Variants in FAM117A observed in about 807,000 individuals in gnomAD.
The protein encoded by FAM117A is protein FAM117A.
In FAM117A, 21 loss-of-function variants were observed where a neutral mutation model predicts 44.1. The ratio of observed to expected loss-of-function variants is 0.48; its 90% CI spans 0.34 to 0.69. The LOEUF is 0.69. FAM117A is among the 30% of genes least tolerant of loss of function. FAM117A has a pLI of 0.01. For missense variants in FAM117A, 498 were observed against 589.9 expected, an observed-to-expected ratio of 0.84 and a Z score of 1.61; for synonymous variants, 220 against 238.3, an observed-to-expected ratio of 0.92 and a Z score of 0.71.
intron 1 of FAM117A, among the ~76,000 whole-genome samples, chr17:49,761,342 C>G (rs756724316): frequency 9.9e-5 from 15 of 152,200 alleles, no homozygotes; most frequent in Non-Finnish European, 1.3e-4. Flanking sequence ...TCTGGGTTTG[C>G]TCTTTGAAGC....
At chr17:49,741,617 G>C (rs937431180) in intron 1 of FAM117A, among the ~76,000 whole-genome samples, 2 of 152,114 alleles carry the variant, frequency 1.3e-5, no homozygotes, top group Non-Finnish European at 2.9e-5. Context: ...GTCCTGTCCT[G>C]TCCTAGTTGT....
intron 7 of FAM117A, 85 bp downstream of exon 7, chr17:49,716,080 G>A: frequency 6.8e-7 from 1 of 1,479,388 alleles, no homozygotes; most frequent in East Asian, 2.3e-5. Context: ...ACACCTCTAT[G>A]ACAAGAGAGA....
rs540595238 is a variant in FAM117A at position 49,772,416 on chromosome 17, G to C, written c.-621+16081C>G. 2.6e-5 allele frequency among the ~76,000 whole-genome samples: 4 copies of C among 151,776 alleles called. No homozygotes were observed. The South Asian group carries it at 8.3e-4, about 32-fold the overall frequency. On this transcript the variant is annotated intron_variant, in intron 1 of 7. Transcript: ENST00000513602. Reference sequence around the variant, plus strand: ...AGGTCAGGAGTTCAAGACCAGCCTGGCCAACATAGTGAAACCCTGTCTCTA... The same window carrying C: ...AGGTCAGGAGTTCAAGACCAGCCTGCCCAACATAGTGAAACCCTGTCTCTA...
intron 2 of FAM117A, among the ~76,000 whole-genome samples, chr17:49,728,954 G>A (rs573850891): frequency 2.0e-5 from 3 of 152,276 alleles, no homozygotes; most frequent in Admixed American, 1.3e-4. Context: ...AAATATTTGG[G>A]TAACCCAGTT....
intron 1 of FAM117A, among the ~76,000 whole-genome samples, chr17:49,755,091 T>C (rs1402834907): frequency 6.7e-6 from 1 of 149,708 alleles, no homozygotes; most frequent in Non-Finnish European, 1.5e-5. Flanking sequence ...AGACACATGG[T>C]TGGCAGCCTT....
rs1385926538 is a variant in FAM117A at position 49,746,664 on chromosome 17, T to A, written c.197-13944A>T. ...GGCTGGAGTGGGATATAACCTCAGA[T>A]ATACACAGCCAAGTGGCCCCTCGGC... On this transcript the variant is annotated intron_variant, in intron 1 of 7. Transcript: ENST00000240364. Among the ~76,000 whole-genome samples the A allele has an allele frequency of 6.6e-5, 10 of 152,296 alleles. No homozygotes were observed. The South Asian group carries it at 2.1e-3, about 32-fold the overall frequency.
At chr17:49,778,796 GGT>G (rs1423398182) in intron 1 of FAM117A, among the ~76,000 whole-genome samples, 1 of 152,114 alleles carries the variant, frequency 6.6e-6, no homozygotes, top group Non-Finnish European at 1.5e-5. Flanking sequence ...TACAGTCTGG[GGT>G]GTGTGTTGGG....
chr17:49,736,466 C>T (rs575671253), intron 1 of FAM117A, among the ~76,000 whole-genome samples: 8 of 152,164 alleles, frequency 5.3e-5, no homozygotes, highest in South Asian at 2.1e-4. Flanking sequence ...ACCATGGTCT[C>T]GATCTCCTGA....
At chr17:49,732,485 G>C in intron 2 of FAM117A, 66 bp downstream of exon 2, 1 of 1,495,212 alleles carries the variant, frequency 6.7e-7, no homozygotes, top group South Asian at 1.2e-5. Flanking sequence ...GAAGACCAAA[G>C]GCCTCCTCAG....
chr17:49,780,709 G>A (rs909448365), intron 1 of FAM117A, among the ~76,000 whole-genome samples: 1 of 151,992 alleles, frequency 6.6e-6, no homozygotes, highest in Non-Finnish European at 1.5e-5. Context: ...TACACATTCT[G>A]TTTACAATCT....
chr17:49,772,216 C>T (rs1428911285), intron 1 of FAM117A, among the ~76,000 whole-genome samples: 1 of 151,388 alleles, frequency 6.6e-6, no homozygotes, highest in Non-Finnish European at 1.5e-5. Context: ...TTGCTTAACC[C>T]AGGAGATCAA....
At chr17:49,727,710 G>A (rs1391011611) in intron 2 of FAM117A, among the ~76,000 whole-genome samples, 2 of 152,214 alleles carry the variant, frequency 1.3e-5, no homozygotes. Flanking sequence ...GGATGAAGCT[G>A]AAAACCCTCC....
At chr17:49,756,664 G>A (rs1179186609) in intron 1 of FAM117A, among the ~76,000 whole-genome samples, 2 of 150,928 alleles carry the variant, frequency 1.3e-5, no homozygotes, top group Middle Eastern at 3.2e-3. Context: ...ACCTGTAATC[G>A]CAGCACTTTG....
chr17:49,729,787 A>T (rs1567828922), intron 2 of FAM117A, among the ~76,000 whole-genome samples: 1 of 152,106 alleles, frequency 6.6e-6, no homozygotes, highest in Non-Finnish European at 1.5e-5. Flanking sequence ...TACAGGCGTG[A>T]GCCACCATGC....
upstream of FAM117A, chr17:49,788,665 A>G (rs1185404771): frequency 1.3e-5 from 8 of 630,492 alleles, no homozygotes; most frequent in African/African-American, 3.9e-5. Context: ...AAAGCGCTTC[A>G]GCCCGCGGCG....
At chr17:49,754,980 G>C (rs900658575) in intron 1 of FAM117A, among the ~76,000 whole-genome samples, 9 of 150,156 alleles carry the variant, frequency 6.0e-5, no homozygotes, top group Non-Finnish European at 1.2e-4. Flanking sequence ...GGAGGTTGTG[G>C]TGAGCCGAGA....
chr17:49,742,886 A>T (rs578033398), intron 1 of FAM117A, among the ~76,000 whole-genome samples: 1 of 152,294 alleles, frequency 6.6e-6, no homozygotes, highest in Admixed American at 6.5e-5. Context: ...AAAATCCTAC[A>T]AGAGGACAAC....
chr17:49,760,389 A>G (rs918444842), intron 1 of FAM117A, among the ~76,000 whole-genome samples: 1 of 152,212 alleles, frequency 6.6e-6, no homozygotes, highest in Non-Finnish European at 1.5e-5. Context: ...AGGCTTTGTG[A>G]GCCCTACAGT....
intron 1 of FAM117A, chr17:49,747,060 G>A (rs914021741): frequency 6.6e-6 from 1 of 151,784 alleles, no homozygotes; most frequent in Non-Finnish European, 1.5e-5. Flanking sequence ...CTATTAAAGG[G>A]TAAATAAGAG....
Sources: gnomAD v4.1 joint callset for allele counts (sites outside exome capture counted in the v4.1 genomes callset) on GRCh38, gnomAD v4.1.1 for gene constraint, MANE v1.5 for transcripts, NCBI Gene and HGNC (gene_info 2026-07-23, HGNC 2026-07-21) for gene names.